DGKE: variants seen among roughly 807,000 people sequenced by gnomAD.
The protein encoded by DGKE is diacylglycerol kinase epsilon, also known as DAG kinase epsilon.
A neutral mutation model predicts 70.0 loss-of-function variants in DGKE; 53 were observed. The ratio of observed to expected loss-of-function variants is 0.76; its 90% confidence interval spans 0.61 to 0.95. The LOEUF (loss-of-function observed/expected upper bound fraction) is 0.95, where lower values mean the gene tolerates loss of function less well. Among genes scored for constraint, DGKE ranks in the 40% least tolerant of loss-of-function variants. The pLI is 0.00. For missense variants in DGKE, 655 were observed against 706.9 expected (o/e 0.93, Z 0.83); for synonymous variants, 291 against 257.0 (o/e 1.13, Z -1.27).
Position 56,863,477 on chromosome 17 carries a change from A to G in DGKE, c.*686A>G, listed in dbSNP as rs1221747243. The G allele has an allele frequency of 6.6e-6, 1 of 152,250 alleles. No homozygotes were observed. Among genetic ancestry groups the G allele is most frequent in the Non-Finnish European group, 1.5e-5 (1 of 68,046 alleles). 9.4% of individuals were successfully genotyped at this position (152,250 alleles called of 1,614,324 possible). ...TTTTTATAACACCAGTGTAGCCAAAAGAGAAACAGATAAGTGAATTGGTAA... is the reference window on the plus strand; with the variant it reads ...TTTTTATAACACCAGTGTAGCCAAAGGAGAAACAGATAAGTGAATTGGTAA... On this transcript the variant is annotated 3_prime_UTR_variant, in exon 12 of 12. Coordinates refer to ENST00000284061, the MANE Select transcript of DGKE (RefSeq NM_003647.3).
intron 5 of DGKE, 108 bp from the exon 6 acceptor site, chr17:56,848,588 T>G: frequency 9.1e-7 from 1 of 1,099,780 alleles, no homozygotes; most frequent in South Asian, 1.6e-5. Context: ...CAACATACAG[T>G]TGTTATATTT....
chr17:56,862,624 T>G lies in DGKE; in HGVS notation c.1537T>G (p.Cys513Gly). The part of the protein sequence containing the change: ...QAHTVRLILK[C>G]SMMPMQVDGE... ...TCCCTAATATCAGCTGATTTTGAAG[T>G]GCTCCATGATGCCAATGCAGGTGGA... Residue 513 changes from cysteine (C) to glycine (G), a missense_variant, in exon 12 of 12, where the codon TGC becomes GGC. Cys to Gly is a radical substitution (Grantham distance 159, BLOSUM62 -3). Coordinates refer to ENST00000284061, the MANE Select transcript of DGKE (RefSeq NM_003647.3). The G allele has an allele frequency of 6.4e-7, 1 of 1,552,124 alleles. No homozygotes were observed.
At chr17:56,857,036 T>TG (rs2144276863) in intron 8 of DGKE, among the ~76,000 whole-genome samples, 1 of 152,272 alleles carries the variant, frequency 6.6e-6, no homozygotes, top group South Asian at 2.1e-4. Flanking sequence ...AGGCAAAAGT[T>TG]GCAGTGAGCC....
At chr17:56,849,343 GAGC>G in intron 7 of DGKE, 111 bp downstream of exon 7, 1 of 938,098 alleles carries the variant, frequency 1.1e-6, no homozygotes, top group Non-Finnish European at 1.6e-6. Flanking sequence ...GCTGGCTGTG[GAGC>G]AGAACAGAAG....
chr17:56,856,284 G>A (rs907332836), intron 7 of DGKE, among the ~76,000 whole-genome samples: 1 of 152,148 alleles, frequency 6.6e-6, no homozygotes, highest in African/African-American at 2.4e-5. Flanking sequence ...CTGAGGTGTA[G>A]CATATAAAAC....
In DGKE at chr17:56,865,876, T is replaced by C. The variant is rs1402536760; in HGVS notation, c.*3085T>C. On this transcript the variant is annotated 3_prime_UTR_variant, in exon 12 of 12. Transcript: ENST00000284061. ...AACTTGAAAACTTTAAAGGTTATACTAATTTAATGATTAATGTGGACCCAA... is the reference window on the plus strand; with the variant it reads ...AACTTGAAAACTTTAAAGGTTATACCAATTTAATGATTAATGTGGACCCAA... The C allele has an allele frequency of 6.6e-6, 1 of 152,140 alleles. No individual in the cohort carries two copies. The highest frequency in any genetic ancestry group is 1.9e-4 in the East Asian group (1 of 5,204). The allele number at this position is 152,140 out of a possible 1,614,324, so 9.4% of individuals were successfully genotyped here.
At chr17:56,842,985 A>G (rs1227704608) in intron 2 of DGKE, among the ~76,000 whole-genome samples, 1 of 152,236 alleles carries the variant, frequency 6.6e-6, no homozygotes, top group Non-Finnish European at 1.5e-5. Context: ...TTTTCGTATT[A>G]ACTGACAAAA....
intron 8 of DGKE, 37 bp from the exon 9 acceptor site, chr17:56,858,557 T>C: frequency 6.6e-7 from 1 of 1,519,622 alleles, no homozygotes; most frequent in South Asian, 1.2e-5. Context: ...CAGGGTTAGA[T>C]TGTTTTAATA....
chr17:56,850,929 A>G (rs2144251275), intron 7 of DGKE, among the ~76,000 whole-genome samples: 1 of 152,334 alleles, frequency 6.6e-6, no homozygotes, highest in Admixed American at 6.5e-5. Context: ...GTTCTGCCCT[A>G]GCTGAGAAGA....
At chr17:56,845,044 TTATC>T (rs1284360219) in intron 3 of DGKE, among the ~76,000 whole-genome samples, 1 of 152,138 alleles carries the variant, frequency 6.6e-6, no homozygotes, top group African/African-American at 2.4e-5. Flanking sequence ...AATCTCTTAT[TTATC>T]TGAGTTCAAC....
chr17:56,835,080 C>G lies in DGKE; in HGVS notation c.285C>G (p.Asp95Glu). The stretch of plus-strand genomic sequence containing the variant: ...GCGACTGCTGCGGGCTCCGCGTGGA[C>G]GAGGGCTGCCTCAGGAAGGCCGACA... Reference protein sequence around the residue: ...AFCDCCGLRVDEGCLRKADKR... With the variant: ...AFCDCCGLRVEEGCLRKADKR... Residue 95 changes from aspartate (D) to glutamate (E), a missense_variant, in exon 2 of 12, where the codon GAC (aspartate) becomes GAG (glutamate). Coordinates refer to ENST00000284061, the MANE Select transcript of DGKE (RefSeq NM_003647.3). 4 of 1,613,528 alleles carry G rather than the reference C, an allele frequency of 2.5e-6. No homozygotes were observed. The highest frequency in any genetic ancestry group is 1.1e-5 in the South Asian group (1 of 91,088).
intron 2 of DGKE, chr17:56,836,179 G>T (rs141064876): frequency 6.8e-6 from 1 of 147,538 alleles, no homozygotes; most frequent in Non-Finnish European, 1.5e-5. Context: ...AATGAAATAG[G>T]CAGTAAATAG....
At position 56,863,113 on chromosome 17, in the gene DGKE, T is replaced by C. The variant is rs1402203072; in HGVS notation, c.*322T>C. 1 of 189,078 alleles carries C rather than the reference T, an allele frequency of 5.3e-6. No homozygotes were observed. The highest frequency in any genetic ancestry group is 1.1e-5 in the Non-Finnish European group (1 of 92,968). 11.7% of individuals were successfully genotyped at this position (189,078 alleles called of 1,614,324 possible). On this transcript the variant is annotated 3_prime_UTR_variant, in exon 12 of 12. Transcript: ENST00000284061. Reference sequence around the variant, plus strand: ...GAAGTATGTGCTGTCTCATGTCTTATTTTTGAACCATGCATATGATGGACA... The same window carrying C: ...GAAGTATGTGCTGTCTCATGTCTTACTTTTGAACCATGCATATGATGGACA...
intron 2 of DGKE, 71 bp from the exon 3 acceptor site, chr17:56,843,947 AT>A: frequency 7.1e-7 from 1 of 1,398,652 alleles, no homozygotes; most frequent in South Asian, 1.5e-5. Flanking sequence ...TTTAACAAAA[AT>A]GATTGTTTTG....
chr17:56,862,043 T>A, intron 10 of DGKE, 97 bp from the exon 11 acceptor site: 1 of 1,530,252 alleles, frequency 6.5e-7, no homozygotes, highest in Non-Finnish European at 8.9e-7. Context: ...TAAATATTTT[T>A]TAAGTTGATG....
chr17:56,850,791 A>G (rs1021909102), intron 7 of DGKE, among the ~76,000 whole-genome samples: 48 of 152,346 alleles, frequency 3.2e-4, no homozygotes, highest in African/African-American at 9.4e-4. Context: ...AAGTGCCTAC[A>G]CTGCAGAAAA....
chr17:56,835,564 C>T (rs553091827), intron 2 of DGKE: 15 of 425,744 alleles, frequency 3.5e-5, no homozygotes, highest in African/African-American at 2.6e-4. Flanking sequence ...TATATTTTAG[C>T]TTTTGTTCCT....
rs1249533572 is a variant in DGKE at position 56,868,701 on chromosome 17, A to G, written c.*5910A>G. 1 of 152,276 alleles carries G rather than the reference A, an allele frequency of 6.6e-6. No homozygotes were observed. Among genetic ancestry groups the G allele is most frequent in the African/African-American group, 2.4e-5 (1 of 41,476 alleles). The allele number at this position is 152,276 out of a possible 1,614,324, so 9.4% of individuals were successfully genotyped here. On this transcript the variant is annotated 3_prime_UTR_variant, in exon 12 of 12. Coordinates refer to ENST00000284061, the MANE Select transcript of DGKE (RefSeq NM_003647.3). ...GTATGATACTGTGTAGTTTTTTGAC[A>G]CAACCATGAGATACAATAAGCAGCT... is the stretch of plus-strand genomic sequence containing the variant.
intron 2 of DGKE, among the ~76,000 whole-genome samples, chr17:56,843,473 C>T (rs1907106626): frequency 6.6e-6 from 1 of 151,796 alleles, no homozygotes; most frequent in Non-Finnish European, 1.5e-5. Context: ...TCACAGATGC[C>T]CTGAATGGAT....
Sources: allele counts gnomAD v4.1 joint callset (sites outside exome capture counted in the v4.1 genomes callset), GRCh38; gene constraint gnomAD v4.1.1; transcripts MANE v1.5; gene names NCBI Gene and HGNC (gene_info 2026-07-23, HGNC 2026-07-21).